PIGO: variants seen among roughly 807,000 people sequenced by gnomAD.
PIGO encodes GPI ethanolamine phosphate transferase 3, catalytic subunit.
A neutral mutation model predicts 86.9 loss-of-function variants in PIGO; 66 were observed. The ratio of observed to expected loss-of-function variants is 0.76; its 90% CI spans 0.62 to 0.93. The LOEUF (loss-of-function observed/expected upper bound fraction) is 0.93. Among genes scored for constraint, PIGO ranks in the 40% least tolerant of loss-of-function variants. The probability of loss-of-function intolerance (pLI) is 0.00; values close to 1 mark genes in which losing one functional copy is unlikely to be tolerated. For synonymous variants in PIGO, 570 were observed against 556.4 expected (o/e 1.02, Z -0.34); for missense variants, 1,202 against 1,359.1 (o/e 0.88, Z 1.82).
At position 35,091,336 on chromosome 9, in the gene PIGO, G is replaced by C; in HGVS notation, c.2551C>G (p.His851Asp). Residue 851 changes from histidine (H) to aspartate (D), a missense_variant, in exon 7 of 11, where the codon CAT (histidine) becomes GAT (aspartate). Physicochemically the swap from His to Asp is moderately conservative, Grantham distance 81. Coordinates refer to ENST00000378617, the MANE Select transcript of PIGO (RefSeq NM_032634.4). ...TLLAFPLLLLHAERISLVFLL... is the reference protein window; with the variant it reads ...TLLAFPLLLLDAERISLVFLL... ...AACACAAGGCTGATGCGCTCCGCAT[G>C]CAACAGCAGAAGTGGGAAGGCCAAC... 2 of 1,614,234 alleles carry C rather than the reference G, an allele frequency of 1.2e-6. No homozygotes were observed. Among genetic ancestry groups the C allele is most frequent in the Non-Finnish European group, 1.7e-6 (2 of 1,180,040 alleles).
At chr9:35,091,100 C>G in intron 7 of PIGO, 140 bp downstream of exon 7, 1 of 979,714 alleles carries the variant, frequency 1.0e-6, no homozygotes, top group Non-Finnish European at 1.5e-6. Flanking sequence ...GAGAGGACAC[C>G]AAGAAGACCT....
At chr9:35,090,762 G>A (rs1829382306) in intron 7 of PIGO, 90 bp from the exon 8 acceptor site, 1 of 1,267,944 alleles carries the variant, frequency 7.9e-7, no homozygotes, top group Non-Finnish European at 1.1e-6. Context: ...TACTACTTCA[G>A]TATCAATTCT....
chr9:35,095,248 G>C lies in PIGO; in HGVS notation c.318C>G (p.Ser106=). 1 of 1,614,194 alleles carries C rather than the reference G, an allele frequency of 6.2e-7. No homozygotes were observed. The highest frequency in any genetic ancestry group is 1.3e-5 in the African/African-American group (1 of 75,052). ...GCTGAATCTCCAGGATCCTCTGCAAGGAGCTTAGTTTGCCCAGGAAGGGTA... is the reference window on the plus strand; with the variant it reads ...GCTGAATCTCCAGGATCCTCTGCAACGAGCTTAGTTTGCCCAGGAAGGGTA... ...VSLPFLGKLS[S]LQRILEIQPH... is the part of the protein sequence containing the mutation. The change falls in exon 2 of 11, where the codon TCC becomes TCG. Residue 106 remains serine (S), a synonymous_variant. Coordinates refer to ENST00000378617, the MANE Select transcript of PIGO (RefSeq NM_032634.4).
At position 35,092,580 on chromosome 9, in the gene PIGO, C is replaced by A; in HGVS notation, c.1307G>T (p.Arg436Leu). The A allele has an allele frequency of 4.3e-6, 7 of 1,614,232 alleles. No individual in the cohort carries two copies. Among genetic ancestry groups the A allele is most frequent in the Non-Finnish European group, 5.9e-6 (7 of 1,180,036 alleles). ...AELQQFLRGA[R>L]AMCIESWARF... Reference sequence around the variant, plus strand: ...AGCCCAAGACTCGATGCACATGGCCCGAGCTCCCCGCAGGAACTGCTGCAG... The same window carrying A: ...AGCCCAAGACTCGATGCACATGGCCAGAGCTCCCCGCAGGAACTGCTGCAG... The change falls in exon 7 of 11, where the codon CGG becomes CTG. Residue 436 changes from arginine to leucine, a missense_variant. Physicochemically the swap from Arg to Leu is moderately radical, Grantham distance 102. Transcript: ENST00000378617.
intron 8 of PIGO, 43 bp downstream of exon 8, chr9:35,090,423 A>G (rs1209191195): frequency 6.3e-7 from 1 of 1,578,692 alleles, no homozygotes; most frequent in Non-Finnish European, 8.6e-7. Context: ...CTTTCCACAA[A>G]GCCAGAGTAA....
Position 35,095,392 on chromosome 9 carries a change from A to G in PIGO, c.174T>C (p.Pro58=). Reference sequence around the variant, plus strand: ...ATCGGGAAGCCATCCAGCAGGCCCCAGGTTTCCCTTGGCTCCCCCATGGCA... The same window carrying G: ...ATCGGGAAGCCATCCAGCAGGCCCCGGGTTTCCCTTGGCTCCCCCATGGCA... ...GSLPWGSQGK[P]GACWMASRFS... is the part of the protein sequence containing the mutation. Residue 58 remains proline, a synonymous_variant, in exon 2 of 11, where the codon CCT becomes CCC. Coordinates refer to ENST00000378617, the MANE Select transcript of PIGO (RefSeq NM_032634.4). 6.2e-7 allele frequency: 1 copy of G among 1,614,162 alleles called. No individual in the cohort carries two copies. The highest frequency in any genetic ancestry group is 2.2e-5 in the East Asian group (1 of 44,878).
In PIGO at chr9:35,089,386, GCAAA is replaced by G; in HGVS notation, c.3130_3133del (p.Phe1044ProfsTer13). 6.2e-7 allele frequency: 1 copy of G among 1,614,160 alleles called. No individual in the cohort carries two copies. Among genetic ancestry groups the G allele is most frequent in the South Asian group, 1.1e-5 (1 of 91,086 alleles). On this transcript the variant is annotated frameshift_variant, in exon 10 of 11. Coordinates refer to ENST00000378617, the MANE Select transcript of PIGO (RefSeq NM_032634.4). LOFTEE classifies it high-confidence loss of function. ...CTCAAGCAAATCTACTCACTTAGGG[GCAAA>G]CACTTTCCAGACCATGAGATGCCTG...
At position 35,093,892 on chromosome 9, in the gene PIGO, C is replaced by T. The variant is rs767504349; in HGVS notation, c.779+9G>A. 2 of 1,613,808 alleles carry T rather than the reference C, an allele frequency of 1.2e-6. No individual in the cohort carries two copies. The highest frequency in any genetic ancestry group is 3.3e-5 in the Admixed American group (2 of 59,974). On this transcript the variant is annotated intron_variant, in intron 4 of 10. Transcript: ENST00000378617. ...AAACCCACTCCCCCAGCCAATACCC[C>T]ACACTCACTGGATCACCTGGTCCAT...
In PIGO at chr9:35,094,281, G is replaced by A. The variant is rs150734953; in HGVS notation, c.590C>T (p.Pro197Leu). 14 of 1,608,782 alleles carry A rather than the reference G, an allele frequency of 8.7e-6. No individual in the cohort carries two copies. In the African/African-American group the frequency reaches 1.9e-4, roughly 22 times the overall value. Reference sequence around the variant, plus strand: ...GTCTAGGTCTCTGACATTGAAGGATGGGAAGAAGAAAGCTTTGGAGAAAGC... The same window carrying A: ...GTCTAGGTCTCTGACATTGAAGGATAGGAAGAAGAAAGCTTTGGAGAAAGC... ...PGAFSKAFFF[P>L]SFNVRDLDTV... The change falls in exon 3 of 11, where the codon CCA becomes CTA. Residue 197 changes from proline to leucine, a missense_variant. Transcript: ENST00000378617.
At chr9:35,089,331 C>A (rs1481683972) in intron 10 of PIGO, 49 bp downstream of exon 10, 7 of 1,613,874 alleles carry the variant, frequency 4.3e-6, no homozygotes, top group Non-Finnish European at 4.2e-6. Flanking sequence ...TACTTTGTTC[C>A]AAGTTTCTCC....
intron 9 of PIGO, 33 bp downstream of exon 9, chr9:35,090,033 A>T (rs1829339915): frequency 1.3e-6 from 2 of 1,591,624 alleles, no homozygotes; most frequent in East Asian, 4.5e-5. Context: ...CAGAGAAAAA[A>T]CACCAACTCC....
At position 35,089,173 on chromosome 9, in the gene PIGO, G is replaced by A; in HGVS notation, c.3189C>T (p.Leu1063=). 6.2e-7 allele frequency: 1 copy of A among 1,614,166 alleles called. No individual in the cohort carries two copies. The highest frequency in any genetic ancestry group is 8.5e-7 in the Non-Finnish European group (1 of 1,180,042). ...VGFIVSSVGL[L]LGIALVMRVD... ...CTCTCATCACCAAAGCTATGCCCAG[G>A]AGAAGTCCCACGCTGCTCACAATGA... Residue 1063 remains leucine, a synonymous_variant, in exon 11 of 11, where the codon CTC becomes CTT. Transcript: ENST00000378617.
rs1232386206 is a variant in PIGO at position 35,092,357 on chromosome 9, T to C, written c.1530A>G (p.Leu510=). The C allele has an allele frequency of 6.2e-7, 1 of 1,614,178 alleles. No individual in the cohort carries two copies. The change falls in exon 7 of 11, where the codon CTA becomes CTG. Residue 510 remains leucine, a synonymous_variant. Coordinates refer to ENST00000378617, the MANE Select transcript of PIGO (RefSeq NM_032634.4). ...LLGTIELKLD[L]VLLGAVAAVS... ...CTGCAGCCACAGCCCCTAGAAGCAC[T>C]AGATCTAGCTTCAGCTCAATAGTTC...
At position 35,092,454 on chromosome 9, in the gene PIGO, G is replaced by A. The variant is rs1829474467; in HGVS notation, c.1433C>T (p.Pro478Leu). Reference protein sequence around the residue: ...ASQWAISPGFPFCPLLLTPVA... With the variant: ...ASQWAISPGFLFCPLLLTPVA... ...AGGTGTCAGGAGTAGAGGGCAGAAT[G>A]GAAAGCCTGGGGATATTGCCCACTG... Residue 478 changes from proline to leucine, a missense_variant, in exon 7 of 11, where the codon CCA (proline) becomes CTA (leucine). By Grantham distance (98) the Pro-to-Leu change is moderately conservative. Coordinates refer to ENST00000378617, the MANE Select transcript of PIGO (RefSeq NM_032634.4). The A allele has an allele frequency of 6.2e-7, 1 of 1,614,278 alleles. No homozygotes were observed. Among genetic ancestry groups the A allele is most frequent in the Non-Finnish European group, 8.5e-7 (1 of 1,180,048 alleles).
Position 35,091,546 on chromosome 9 carries a change from T to G in PIGO, c.2341A>C (p.Thr781Pro). Residue 781 changes from threonine (T) to proline (P), a missense_variant, in exon 7 of 11, where the codon ACT (threonine) becomes CCT (proline). Coordinates refer to ENST00000378617, the MANE Select transcript of PIGO (RefSeq NM_032634.4). ...AGAPRTRTVL[T>P]PFSGPPTSQA... ...GAAGTGGGGGGGCCTGAGAAGGGAG[T>G]GAGGACAGTCCTGGTCCTTGGAGCG... 6.2e-7 allele frequency: 1 copy of G among 1,613,570 alleles called. No individual in the cohort carries two copies. The highest frequency in any genetic ancestry group is 8.5e-7 in the Non-Finnish European group (1 of 1,179,890).
At position 35,094,215 on chromosome 9, in the gene PIGO, C is replaced by T. The variant is rs1244103739; in HGVS notation, c.655+1G>A. ...ACTAAGTGCTCTGGCCCCATGCTCACTGGTGGGGTAGAGGTGTTCCAGGAT... is the reference window on the plus strand; with the variant it reads ...ACTAAGTGCTCTGGCCCCATGCTCATTGGTGGGGTAGAGGTGTTCCAGGAT... On this transcript the variant is annotated splice_donor_variant, in intron 3 of 10. Transcript: ENST00000378617. LOFTEE classifies it high-confidence loss of function. The T allele has an allele frequency of 3.8e-6, 6 of 1,589,862 alleles. No homozygotes were observed. The Admixed American group carries it at 1.2e-4, about 31-fold the overall frequency.
intron 4 of PIGO, 30 bp downstream of exon 4, chr9:35,093,871 C>A: frequency 6.2e-7 from 1 of 1,608,586 alleles, no homozygotes; most frequent in Non-Finnish European, 8.5e-7. Context: ...AGACACAAAC[C>A]CACTCCCCCA....
At chr9:35,090,829 C>T (rs546757061) in intron 7 of PIGO, 157 bp from the exon 8 acceptor site, 1 of 728,444 alleles carries the variant, frequency 1.4e-6, no homozygotes, top group East Asian at 2.7e-5. Context: ...TTCTGTTATT[C>T]TAATTCTCTC....
In PIGO at chr9:35,095,430, C is replaced by T; in HGVS notation, c.136G>A (p.Gly46Ser). The T allele has an allele frequency of 1.2e-6, 2 of 1,614,082 alleles. No individual in the cohort carries two copies. Among genetic ancestry groups the T allele is most frequent in the Non-Finnish European group, 1.7e-6 (2 of 1,180,002 alleles). ...TNHSSCQEPP[G>S]PGSLPWGSQG... The stretch of plus-strand genomic sequence containing the variant: ...CTCCCCCATGGCAGGGACCCAGGGC[C>T]TGGGGGCTCTTGGCAGCTGCTATGG... Residue 46 changes from glycine (G) to serine (S), a missense_variant, in exon 2 of 11, where the codon GGC becomes AGC. Gly to Ser is a moderately conservative substitution (Grantham distance 56, BLOSUM62 0). Coordinates refer to ENST00000378617, the MANE Select transcript of PIGO (RefSeq NM_032634.4).
Sources: gnomAD v4.1 joint callset for allele counts on GRCh38, gnomAD v4.1.1 for gene constraint, MANE v1.5 for transcripts, NCBI Gene and HGNC (gene_info 2026-07-23, HGNC 2026-07-21) for gene names.